C2orf42: variants seen among roughly 807,000 people sequenced by gnomAD.
C2orf42 encodes the protein uncharacterized protein C2orf42.
C2orf42 carries 44 observed loss-of-function variants against 58.9 expected under a neutral mutation model. The ratio of observed to expected loss-of-function variants is 0.75; its 90% CI spans 0.59 to 0.96. The LOEUF (loss-of-function observed/expected upper bound fraction) is 0.96, where lower values mean the gene tolerates loss of function less well. Ranked by LOEUF, C2orf42 falls within the 40% of genes least tolerant of loss-of-function variation. The pLI is 0.00. For missense variants in C2orf42, 630 were observed against 699.2 expected (o/e 0.90, Z 1.12); for synonymous variants, 239 against 265.4 (o/e 0.90, Z 0.97).
intron 9 of C2orf42, among the ~76,000 whole-genome samples, chr2:70,153,067 T>C (rs1224884007): frequency 6.7e-6 from 1 of 148,922 alleles, no homozygotes; most frequent in African/African-American, 2.5e-5. Context: ...AGTGGCAGAG[T>C]GTGTTCTGGA....
chr2:70,166,819 G>A (rs185878360), intron 6 of C2orf42, among the ~76,000 whole-genome samples: 1 of 152,170 alleles, frequency 6.6e-6, no homozygotes, highest in East Asian at 1.9e-4. Flanking sequence ...AAGTAAGATG[G>A]GATGAGAACA....
At chr2:70,169,691 T>A (rs772626806) in intron 5 of C2orf42, 30 bp from the exon 6 acceptor site, 1 of 970,478 alleles carries the variant, frequency 1.0e-6, no homozygotes, top group East Asian at 2.4e-5. Context: ...ACATACACAC[T>A]TCTTTAGTAA....
chr2:70,187,354 G>T (rs1026074202), intron 1 of C2orf42, among the ~76,000 whole-genome samples: 4 of 150,514 alleles, frequency 2.7e-5, no homozygotes, highest in African/African-American at 9.8e-5. Context: ...GGGTTCAAGT[G>T]ATTCTCCTGC....
intron 8 of C2orf42, among the ~76,000 whole-genome samples, chr2:70,163,934 C>T (rs897649280): frequency 2.6e-5 from 4 of 151,772 alleles, no homozygotes; most frequent in Non-Finnish European, 5.9e-5. Flanking sequence ...CTTTGGGAGG[C>T]CAAGATGGGA....
Position 70,158,154 on chromosome 2 carries a change from G to A in C2orf42, c.1516+2471C>T, listed in dbSNP as rs72900674. 5.3e-3 allele frequency among the ~76,000 whole-genome samples: 790 copies of A among 150,218 alleles called. 8 individuals carry two copies. The highest frequency in any genetic ancestry group is 0.019 in the African/African-American group (757 of 40,816). The stretch of plus-strand genomic sequence containing the variant: ...ATGGAGGGTGTAGTGAGCCAGGATC[G>A]CACTGCTGCACTCCAGCCTGAGCGA... On this transcript the variant is annotated intron_variant, in intron 9 of 9. Coordinates refer to ENST00000264434, the MANE Select transcript of C2orf42 (RefSeq NM_017880.3).
chr2:70,182,002 A>G lies in C2orf42; in HGVS notation c.-12-5T>C. ...TGGTTCCATTTTTCAGAGGCCCTACAAAAGACAATACATCCAACAGTATGA... is the reference window on the plus strand; with the variant it reads ...TGGTTCCATTTTTCAGAGGCCCTACGAAAGACAATACATCCAACAGTATGA... On this transcript the variant is annotated splice_region_variant and splice_polypyrimidine_tract_variant and intron_variant, in intron 2 of 9. Coordinates refer to ENST00000264434, the MANE Select transcript of C2orf42 (RefSeq NM_017880.3). 2 of 1,354,152 alleles carry G rather than the reference A, an allele frequency of 1.5e-6. No homozygotes were observed. Among genetic ancestry groups the G allele is most frequent in the Non-Finnish European group, 2.1e-6 (2 of 950,570 alleles). 83.9% of individuals were successfully genotyped at this position (1,354,152 alleles called of 1,614,324 possible).
Position 70,165,176 on chromosome 2 carries a change from A to G in C2orf42, c.1269T>C (p.Asp423=). ...TGGAAAAGGTTCCCAGTGGCAAGGCATCTTTCCGAACAAAAGCTTCAACGT... is the reference window on the plus strand; with the variant it reads ...TGGAAAAGGTTCCCAGTGGCAAGGCGTCTTTCCGAACAAAAGCTTCAACGT... ...PNSTTAFVRK[D]ALPLGTFSKY... Residue 423 remains aspartate (D), a synonymous_variant, in exon 8 of 10, where the codon GAT becomes GAC. Coordinates refer to ENST00000264434, the MANE Select transcript of C2orf42 (RefSeq NM_017880.3). 1.2e-6 allele frequency: 2 copies of G among 1,604,938 alleles called. No individual in the cohort carries two copies. The highest frequency in any genetic ancestry group is 4.5e-5 in the East Asian group (2 of 44,828).
At chr2:70,183,746 A>C (rs1674739800) in intron 1 of C2orf42, among the ~76,000 whole-genome samples, 1 of 145,556 alleles carries the variant, frequency 6.9e-6, no homozygotes, top group Non-Finnish European at 1.5e-5. Flanking sequence ...AAAAAAAAAG[A>C]ACACACCTAG....
At chr2:70,172,324 C>T (rs111822134) in intron 5 of C2orf42, among the ~76,000 whole-genome samples, 2 of 151,816 alleles carry the variant, frequency 1.3e-5, no homozygotes, top group African/African-American at 4.8e-5. Context: ...TGAAGATATG[C>T]ATCTGGATAT....
At position 70,160,792 on chromosome 2, in the gene C2orf42, A is replaced by T. The variant is rs201536144; in HGVS notation, c.1354-5T>A. On this transcript the variant is annotated splice_region_variant and splice_polypyrimidine_tract_variant and intron_variant, in intron 8 of 9. Coordinates refer to ENST00000264434, the MANE Select transcript of C2orf42 (RefSeq NM_017880.3). ...ACGGGTGATTTCCAAGGGCATCTGG[A>T]CACCAAGACAATACCAAAAAAAGGT... 6.5e-5 allele frequency: 102 copies of T among 1,568,740 alleles called. No homozygotes were observed. The highest frequency in any genetic ancestry group is 1.7e-4 in the Middle Eastern group (1 of 5,808).
At chr2:70,178,117 T>TTTTGCATTTCTAAAATG (rs1435812890) in intron 4 of C2orf42, among the ~76,000 whole-genome samples, 1 of 152,198 alleles carries the variant, frequency 6.6e-6, no homozygotes, top group African/African-American at 2.4e-5. Context: ...CCTGTTTTAA[T>TTTTGCATTTCTAAAATG]TTTGCATTTC....
chr2:70,167,736 C>T (rs1213186684), intron 6 of C2orf42, among the ~76,000 whole-genome samples: 1 of 151,274 alleles, frequency 6.6e-6, no homozygotes, highest in Admixed American at 6.6e-5. Flanking sequence ...GCAAGACTGT[C>T]TCAAAAAATA....
chr2:70,185,243 A>G (rs1217165466), intron 1 of C2orf42, among the ~76,000 whole-genome samples: 1 of 151,224 alleles, frequency 6.6e-6, no homozygotes, highest in Non-Finnish European at 1.5e-5. Flanking sequence ...TCTACTAATA[A>G]TACAAACAAA....
chr2:70,171,745 C>T (rs1202145890), intron 5 of C2orf42, among the ~76,000 whole-genome samples: 2 of 151,902 alleles, frequency 1.3e-5, no homozygotes, highest in African/African-American at 4.8e-5. Context: ...CTCCTCACCT[C>T]GTGATCCAAC....
rs562998204 is a variant in C2orf42, at chr2:70,186,325, C to T, written c.-281-3390G>A. The stretch of plus-strand genomic sequence containing the variant: ...GTATATGTATATATACACACACACA[C>T]ACACATATATACAATTTGTATATAT... On this transcript the variant is annotated intron_variant, in intron 1 of 9. Transcript: ENST00000264434. 3.9e-5 allele frequency among the ~76,000 whole-genome samples: 6 copies of T among 152,142 alleles called. No homozygotes were observed. The East Asian group carries it at 9.6e-4, about 24-fold the overall frequency.
chr2:70,160,621 T>G lies in C2orf42; in HGVS notation c.1516+4A>C. On this transcript the variant is annotated splice_donor_region_variant and intron_variant, in intron 9 of 9. Coordinates refer to ENST00000264434, the MANE Select transcript of C2orf42 (RefSeq NM_017880.3). ...AGGAAGATGCAGTTTTGAAGTTCACTTACCAACTTTGAGAAAAGTTTTTAG... is the reference window on the plus strand; with the variant it reads ...AGGAAGATGCAGTTTTGAAGTTCACGTACCAACTTTGAGAAAAGTTTTTAG... 6.2e-7 allele frequency: 1 copy of G among 1,605,420 alleles called. No individual in the cohort carries two copies. The highest frequency in any genetic ancestry group is 8.5e-7 in the Non-Finnish European group (1 of 1,175,416).
At chr2:70,186,329 CAT>C (rs1228375214) in intron 1 of C2orf42, among the ~76,000 whole-genome samples, 1 of 151,710 alleles carries the variant, frequency 6.6e-6, no homozygotes. Context: ...CACACACACA[CAT>C]ATATACAATT....
intron 6 of C2orf42, among the ~76,000 whole-genome samples, chr2:70,168,566 GCA>G: frequency 6.6e-6 from 1 of 151,064 alleles, no homozygotes; most frequent in Non-Finnish European, 1.5e-5. Flanking sequence ...GGGATTACAG[GCA>G]TGAGCCACCG....
At chr2:70,160,881 T>C (rs1253294818) in intron 8 of C2orf42, 94 bp from the exon 9 acceptor site, 2 of 778,154 alleles carry the variant, frequency 2.6e-6, no homozygotes, top group Non-Finnish European at 4.0e-6. Flanking sequence ...TTATTCCTTC[T>C]TTCTTGTTAA....
Sources: allele counts gnomAD v4.1 joint callset (sites outside exome capture counted in the v4.1 genomes callset), GRCh38; gene constraint gnomAD v4.1.1; transcripts MANE v1.5; gene names NCBI Gene and HGNC (gene_info 2026-07-23, HGNC 2026-07-21).